Variants in SPATA13 observed in about 807,000 individuals in gnomAD.
SPATA13 encodes the protein spermatogenesis-associated protein 13.
SPATA13 carries 50 observed loss-of-function variants against 104.0 expected under a neutral mutation model. The observed-to-expected ratio is 0.48, with a 90% confidence interval of 0.38 to 0.61. SPATA13 has a LOEUF of 0.61. Ranked by LOEUF, SPATA13 falls within the 20% of genes least tolerant of loss-of-function variation. The pLI is 0.00. For missense variants in SPATA13, 1,524 were observed against 1,690.6 expected (o/e 0.90, Z 1.73); for synonymous variants, 606 against 667.5 (o/e 0.91, Z 1.42).
intron 1 of SPATA13, among the ~76,000 whole-genome samples, chr13:24,172,596 T>A (rs1883022272): frequency 6.6e-6 from 1 of 152,278 alleles, no homozygotes; most frequent in Admixed American, 6.5e-5. Flanking sequence ...GCTCTAGCAC[T>A]GTTTGTTGAA....
intron 1 of SPATA13, among the ~76,000 whole-genome samples, chr13:24,201,451 CTT>C (rs67729020): frequency 6.6e-6 from 1 of 151,742 alleles, no homozygotes; most frequent in Non-Finnish European, 1.5e-5. Flanking sequence ...AGAGTTCACT[CTT>C]TTTTTTGAGA....
At chr13:24,262,950 G>C (rs2138682017) in intron 4 of SPATA13, among the ~76,000 whole-genome samples, 1 of 152,030 alleles carries the variant, frequency 6.6e-6, no homozygotes, top group Middle Eastern at 3.4e-3. Flanking sequence ...CATACGTTCA[G>C]GTTATTTTAA....
At chr13:24,115,052 AG>A (rs1880789542) in intron 3 of SPATA13, among the ~76,000 whole-genome samples, 1 of 152,182 alleles carries the variant, frequency 6.6e-6, no homozygotes, top group Non-Finnish European at 1.5e-5. Context: ...GGAGGAGACA[AG>A]GTTTCTTGTT....
chr13:24,243,989 C>T (rs1044491370), intron 2 of SPATA13, among the ~76,000 whole-genome samples: 4 of 152,228 alleles, frequency 2.6e-5, no homozygotes, highest in East Asian at 1.9e-4. Flanking sequence ...CATCTGTTCT[C>T]TCACCATTCT....
intron 3 of SPATA13, among the ~76,000 whole-genome samples, chr13:24,049,634 G>C (rs1240372232): frequency 2.0e-5 from 3 of 152,084 alleles, no homozygotes; most frequent in Admixed American, 6.6e-5. Flanking sequence ...CCTGTATAGG[G>C]AGTCTGTAAT....
chr13:24,036,122 T>A (rs111849271), intron 3 of SPATA13, among the ~76,000 whole-genome samples: 11 of 152,286 alleles, frequency 7.2e-5, no homozygotes, highest in Non-Finnish European at 1.2e-4. Context: ...AAATTAAAAT[T>A]GAGAAGTTTC....
chr13:24,116,022 T>C (rs1180086473), intron 3 of SPATA13, among the ~76,000 whole-genome samples: 3 of 152,250 alleles, frequency 2.0e-5, no homozygotes, highest in African/African-American at 7.2e-5. Context: ...CCATCATTTC[T>C]GCAATGTCAT....
upstream of SPATA13, chr13:24,160,707 G>C (rs1566126055): frequency 1.0e-6 from 1 of 985,540 alleles, no homozygotes; most frequent in African/African-American, 1.7e-5. Context: ...CGGGGCTGGG[G>C]CGTGGCTTGG....
intron 3 of SPATA13, among the ~76,000 whole-genome samples, chr13:24,098,526 G>A (rs1395048295): frequency 6.6e-6 from 1 of 151,494 alleles, no homozygotes; most frequent in Admixed American, 6.6e-5. Context: ...GAGCCTGGAC[G>A]TTTGAGGCCG....
intron 9 of SPATA13, among the ~76,000 whole-genome samples, chr13:24,292,904 GA>G (rs1409557812): frequency 7.6e-6 from 1 of 131,702 alleles, no homozygotes; most frequent in Non-Finnish European, 1.5e-5. Context: ...GCTGAGGCAC[GA>G]AAATCGCTTG....
chr13:24,190,122 TAATA>T (rs1429999351), intron 1 of SPATA13, among the ~76,000 whole-genome samples: 2 of 15,028 alleles, frequency 1.3e-4, no homozygotes, highest in African/African-American at 4.9e-4. Flanking sequence ...TTATATAACA[TAATA>T]ATATACAATA....
chr13:24,108,127 G>A (rs575828453), intron 3 of SPATA13, among the ~76,000 whole-genome samples: 22 of 152,272 alleles, frequency 1.4e-4, no homozygotes, highest in South Asian at 8.3e-4. Context: ...CTGTGCCATC[G>A]CCCGGCTGCA....
intron 1 of SPATA13, among the ~76,000 whole-genome samples, chr13:24,184,848 G>A (rs1286930580): frequency 2.0e-5 from 3 of 152,088 alleles, no homozygotes; most frequent in African/African-American, 7.2e-5. Context: ...TTATTTTGAT[G>A]AAAGGCAGTG....
chr13:24,193,024 A>AGGTGTGTGGGCTGAGAGCCCTGGGG (rs1869857965), intron 1 of SPATA13, among the ~76,000 whole-genome samples: 1 of 152,174 alleles, frequency 6.6e-6, no homozygotes, highest in African/African-American at 2.4e-5. Context: ...TTGAAAGTCA[A>AGGTGTGTGGGCTGAGAGCCCTGGGG]GGTGTGTGGG....
chr13:24,122,947 G>T, intron 3 of SPATA13: 1 of 781,360 alleles, frequency 1.3e-6, no homozygotes, highest in South Asian at 1.3e-5. Context: ...ACACTAAGAA[G>T]CGTGTCAGGT....
intron 3 of SPATA13, among the ~76,000 whole-genome samples, chr13:24,093,314 A>C (rs1462207383): frequency 1.3e-5 from 2 of 152,234 alleles, no homozygotes; most frequent in Non-Finnish European, 2.9e-5. Context: ...GGAAATGCTG[A>C]AATTCCTTTT....
intron 3 of SPATA13, among the ~76,000 whole-genome samples, chr13:24,084,179 C>G (rs574688856): frequency 1.3e-5 from 2 of 152,046 alleles, no homozygotes; most frequent in African/African-American, 4.8e-5. Flanking sequence ...ACAAGCGAGA[C>G]GAGAGAAGAA....
At chr13:24,243,222 A>G (rs1872945495) in intron 2 of SPATA13, among the ~76,000 whole-genome samples, 1 of 152,188 alleles carries the variant, frequency 6.6e-6, no homozygotes, top group African/African-American at 2.4e-5. Flanking sequence ...CTCTTAATTG[A>G]TATGTGACAT....
intron 1 of SPATA13, among the ~76,000 whole-genome samples, chr13:24,212,296 GA>G (rs11288795): frequency 0.63 from 84,392 of 133,970 alleles, 26,942 homozygotes; most frequent in East Asian, 0.9. Context: ...CCCTGTTTAA[GA>G]AAAAAAAAAA....
Sources: gnomAD v4.1 joint callset for allele counts (sites outside exome capture counted in the v4.1 genomes callset) on GRCh38, gnomAD v4.1.1 for gene constraint, MANE v1.5 for transcripts, NCBI Gene and HGNC (gene_info 2026-07-23, HGNC 2026-07-21) for gene names.